Variants in PSMD5 observed in about 807,000 individuals in gnomAD.
PSMD5 encodes the protein proteasome 26S subunit, non-ATPase 5.
Under a neutral mutation model 52.1 loss-of-function variants are expected in PSMD5, and 40 were observed. That is an observed-to-expected ratio of 0.77 (90% CI 0.60 to 1.00). The LOEUF (loss-of-function observed/expected upper bound fraction) is 1.00, where lower values mean the gene tolerates loss of function less well. Among genes scored for constraint, PSMD5 ranks in the 50% least tolerant of loss-of-function variants. PSMD5 has a pLI of 0.00. For synonymous variants in PSMD5, 211 were observed against 226.6 expected, an observed-to-expected ratio of 0.93 and a Z score of 0.62; for missense variants, 575 against 605.2, an observed-to-expected ratio of 0.95 and a Z score of 0.52.
rs1017305025 is a variant in PSMD5 at position 120,829,101 on chromosome 9, G to A, written c.669C>T (p.Val223=). The stretch of plus-strand genomic sequence containing the variant: ...CTTTAAGAACTCAGTCAACACACCT[G>A]ACCAACACATCCTCACCAGTCAGCT... The part of the protein sequence containing the change: ...LRELTGEDVL[V]RATCIEMVTS... The change falls in exon 5 of 10, where the codon GTC becomes GTT. Residue 223 remains valine, a splice_region_variant and synonymous_variant. Transcript: ENST00000210313. 1.3e-6 allele frequency: 2 copies of A among 1,582,732 alleles called. No homozygotes were observed. The highest frequency in any genetic ancestry group is 1.4e-5 in the African/African-American group (1 of 73,090).
chr9:120,833,118 C>T, intron 2 of PSMD5, among the ~76,000 whole-genome samples, 194 bp downstream of exon 2: 1 of 152,242 alleles, frequency 6.6e-6, no homozygotes, highest in East Asian at 1.9e-4. Flanking sequence ...TAGCTTGTAT[C>T]TCCCAGGTTA....
intron 6 of PSMD5, among the ~76,000 whole-genome samples, chr9:120,826,160 A>C (rs1175908083): frequency 6.6e-6 from 1 of 151,866 alleles, no homozygotes; most frequent in Non-Finnish European, 1.5e-5. Flanking sequence ...ATGCCCGGCT[A>C]ATTTTTTGTA....
chr9:120,821,052 C>T (rs945289455), intron 8 of PSMD5, 73 bp from the exon 9 acceptor site: 1 of 1,441,114 alleles, frequency 6.9e-7, no homozygotes, highest in African/African-American at 1.4e-5. Context: ...AGAAGTCAGA[C>T]ACCTGAGTGC....
At chr9:120,839,612 C>T (rs1477152178) in intron 1 of PSMD5, among the ~76,000 whole-genome samples, 1 of 152,118 alleles carries the variant, frequency 6.6e-6, no homozygotes, top group African/African-American at 2.4e-5. Flanking sequence ...GCCAAGAAAG[C>T]GCTCTGAAAT....
intron 1 of PSMD5, among the ~76,000 whole-genome samples, chr9:120,836,551 C>G (rs1330390286): frequency 6.6e-6 from 1 of 151,024 alleles, no homozygotes; most frequent in African/African-American, 2.4e-5. Context: ...TGTCTGCCAC[C>G]AAGCCCAGCT....
chr9:120,826,718 G>A, intron 6 of PSMD5, 47 bp downstream of exon 6: 1 of 1,583,508 alleles, frequency 6.3e-7, no homozygotes, highest in Non-Finnish European at 8.6e-7. Context: ...AGATAACTCA[G>A]AAATAAAACA....
chr9:120,832,942 T>C (rs781051701), intron 2 of PSMD5, among the ~76,000 whole-genome samples: 2 of 152,196 alleles, frequency 1.3e-5, no homozygotes, highest in Admixed American at 6.5e-5. Context: ...TTTGAACACA[T>C]AGGAATCTTT....
At chr9:120,820,295 T>G (rs1423828714) in intron 9 of PSMD5, among the ~76,000 whole-genome samples, 1 of 152,146 alleles carries the variant, frequency 6.6e-6, no homozygotes, top group Non-Finnish European at 1.5e-5. Flanking sequence ...AAACGGAAAC[T>G]CAACAAATAT....
At position 120,833,448 on chromosome 9, in the gene PSMD5, G is replaced by A. The variant is rs2045175425; in HGVS notation, c.182C>T (p.Thr61Ile). 1 of 1,612,916 alleles carries A rather than the reference G, an allele frequency of 6.2e-7. No individual in the cohort carries two copies. The highest frequency in any genetic ancestry group is 8.5e-7 in the Non-Finnish European group (1 of 1,179,340). ...SLLNENHREK[T>I]TLCVSILERL... Reference sequence around the variant, plus strand: ...CTCCAGAATGGATACACACAAAGTAGTCTTTTCCCTGAAGGAGACATCATA... The same window carrying A: ...CTCCAGAATGGATACACACAAAGTAATCTTTTCCCTGAAGGAGACATCATA... Residue 61 changes from threonine to isoleucine, a missense_variant, in exon 2 of 10, where the codon ACT becomes ATT. Thr to Ile is a moderately conservative substitution (Grantham distance 89, BLOSUM62 -1). Transcript: ENST00000210313.
At chr9:120,833,767 C>T (rs1002598517) in intron 1 of PSMD5, among the ~76,000 whole-genome samples, 1 of 149,678 alleles carries the variant, frequency 6.7e-6, no homozygotes, top group African/African-American at 2.5e-5. Flanking sequence ...CAACCTCCAC[C>T]TCCCAGGTTC....
chr9:120,829,262 C>A, intron 4 of PSMD5, 54 bp from the exon 5 acceptor site: 1 of 1,450,020 alleles, frequency 6.9e-7, no homozygotes, highest in Non-Finnish European at 9.1e-7. Context: ...CAGCCCTACG[C>A]CTGATAGATC....
chr9:120,831,602 C>T, intron 3 of PSMD5, 143 bp from the exon 4 acceptor site: 1 of 1,174,446 alleles, frequency 8.5e-7, no homozygotes, highest in Non-Finnish European at 1.2e-6. Flanking sequence ...GCAAGGTATC[C>T]CCCATAGAAT....
At chr9:120,832,703 T>C (rs543966706) in intron 2 of PSMD5, among the ~76,000 whole-genome samples, 2 of 152,330 alleles carry the variant, frequency 1.3e-5, no homozygotes, top group East Asian at 3.9e-4. Flanking sequence ...GCGCCCTTTT[T>C]TGCTGAATAA....
rs923026781 is a variant in PSMD5, at chr9:120,820,995, G to T, written c.1117-16C>A. On this transcript the variant is annotated splice_polypyrimidine_tract_variant and intron_variant, in intron 8 of 9. Coordinates refer to ENST00000210313, the MANE Select transcript of PSMD5 (RefSeq NM_005047.4). ...GCTGCTCAGGCTACAGGAAAGAAAAGGAAAATCTCATCAAAAGTTAACTGA... is the reference window on the plus strand; with the variant it reads ...GCTGCTCAGGCTACAGGAAAGAAAATGAAAATCTCATCAAAAGTTAACTGA... 5.7e-6 allele frequency: 9 copies of T among 1,567,344 alleles called. No individual in the cohort carries two copies. Among genetic ancestry groups the T allele is most frequent in the African/African-American group, 1.4e-5 (1 of 72,366 alleles).
intron 5 of PSMD5, among the ~76,000 whole-genome samples, chr9:120,828,444 T>TG (rs1554812886): frequency 1.7e-3 from 1 of 606 alleles, no homozygotes; most frequent in Non-Finnish European, 5.0e-3. Flanking sequence ...GCTCATATTC[T>TG]TTTTTTTTTT....
At position 120,838,727 on chromosome 9, in the gene PSMD5, G is replaced by C. The variant is rs59077521; in HGVS notation, c.173+4010C>G. 1.6e-4 allele frequency among the ~76,000 whole-genome samples: 25 copies of C among 152,278 alleles called. No individual in the cohort carries two copies. The East Asian group carries it at 4.8e-3, about 29-fold the overall frequency. On this transcript the variant is annotated intron_variant, in intron 1 of 9. Coordinates refer to ENST00000210313, the MANE Select transcript of PSMD5 (RefSeq NM_005047.4). Reference sequence around the variant, plus strand: ...AATCCTCAAATTCTGCCTCACTTCAGTTCCTACTGCATCTCTGCTGTCAAC... The same window carrying C: ...AATCCTCAAATTCTGCCTCACTTCACTTCCTACTGCATCTCTGCTGTCAAC...
chr9:120,839,355 T>C (rs186729753), intron 1 of PSMD5, among the ~76,000 whole-genome samples: 105 of 152,284 alleles, frequency 6.9e-4, no homozygotes, highest in African/African-American at 2.5e-3. Flanking sequence ...TGACTCGAGA[T>C]GTATGCTCAC....
At chr9:120,842,526 C>G in intron 1 of PSMD5, 1 of 601,952 alleles carries the variant, frequency 1.7e-6, no homozygotes, top group Non-Finnish European at 2.9e-6. Context: ...CGAGGCCAGG[C>G]GACGGGAGAA....
intron 3 of PSMD5, 136 bp from the exon 4 acceptor site, chr9:120,831,595 A>G (rs1025176957): frequency 2.5e-6 from 3 of 1,195,646 alleles, no homozygotes; most frequent in Non-Finnish European, 3.4e-6. Context: ...AAAAGACGCA[A>G]GGTATCCCCC....
Sources: allele counts gnomAD v4.1 joint callset (sites outside exome capture counted in the v4.1 genomes callset), GRCh38; gene constraint gnomAD v4.1.1; transcripts MANE v1.5; gene names NCBI Gene and HGNC (gene_info 2026-07-23, HGNC 2026-07-21).